Variants in GCSAML observed in about 807,000 individuals in gnomAD.
The protein encoded by GCSAML is germinal center associated signaling and motility like.
A neutral mutation model predicts 13.0 loss-of-function variants in GCSAML; 9 were observed. The ratio of observed to expected loss-of-function variants is 0.69; its 90% confidence interval spans 0.42 to 1.21. The LOEUF (loss-of-function observed/expected upper bound fraction) is 1.21, where lower values mean the gene tolerates loss of function less well. GCSAML is among the 50% of genes most tolerant of loss of function. The pLI, the probability that GCSAML is intolerant of heterozygous loss-of-function variation, is 0.00. For synonymous variants in GCSAML, 37 were observed against 52.9 expected (o/e 0.70, Z 1.31); for missense variants, 143 against 153.4 (o/e 0.93, Z 0.36).
chr1:247,528,498 G>A (rs1358910004), intron 2 of GCSAML: 1 of 152,180 alleles, frequency 6.6e-6, no homozygotes, highest in Non-Finnish European at 1.5e-5. Context: ...CATATTTCAT[G>A]TTTAGCCAAC....
intron 1 of GCSAML, among the ~76,000 whole-genome samples, chr1:247,550,916 G>C (rs1242612848): frequency 6.6e-6 from 1 of 152,046 alleles, no homozygotes; most frequent in Non-Finnish European, 1.5e-5. Context: ...AAAATGGATA[G>C]GCCCCTTCAG....
intron 2 of GCSAML, chr1:247,532,056 C>A: frequency 6.2e-7 from 1 of 1,613,962 alleles, no homozygotes; most frequent in Non-Finnish European, 8.5e-7. Context: ...TGGTCAGACC[C>A]CCCAGCCAGG....
chr1:247,521,477 C>T (rs1666423559), intron 1 of GCSAML, among the ~76,000 whole-genome samples: 1 of 152,166 alleles, frequency 6.6e-6, no homozygotes, highest in Non-Finnish European at 1.5e-5. Context: ...CTGCAACCTC[C>T]CTGCCTGATT....
chr1:247,534,490 C>G (rs530850091), intron 2 of GCSAML, among the ~76,000 whole-genome samples: 8 of 152,310 alleles, frequency 5.3e-5, no homozygotes, highest in African/African-American at 1.9e-4. Flanking sequence ...CTATCCTCTG[C>G]TTTTGTACAG....
chr1:247,539,504 G>A (rs990318490), intron 2 of GCSAML, among the ~76,000 whole-genome samples: 2 of 152,168 alleles, frequency 1.3e-5, no homozygotes, highest in Non-Finnish European at 2.9e-5. Context: ...TGAGGAAACT[G>A]GTGGCAGTTT....
At chr1:247,519,092 CAAAA>C (rs1024419563) in intron 1 of GCSAML, 9 of 152,290 alleles carry the variant, frequency 5.9e-5, no homozygotes, top group African/African-American at 1.5e-4. Context: ...AACAAACAAA[CAAAA>C]AGCGGCAGGG....
chr1:247,538,902 T>C (rs1198806172), intron 2 of GCSAML: 2 of 348,440 alleles, frequency 5.7e-6, no homozygotes, highest in East Asian at 8.3e-5. Context: ...TGCAACACTT[T>C]AGAAAACGAA....
At chr1:247,549,049 CTG>C, upstream of GCSAML, 1 of 1,588,372 alleles carries the variant, frequency 6.3e-7, no homozygotes, top group East Asian at 2.3e-5. Flanking sequence ...GCGCAGGCCC[CTG>C]GCAGCTCGTG....
chr1:247,546,512 C>G (rs981724461), upstream of GCSAML, among the ~76,000 whole-genome samples: 1 of 152,010 alleles, frequency 6.6e-6, no homozygotes, highest in African/African-American at 2.4e-5. Context: ...GTGCCCGCCA[C>G]CACGCCTGGC....
chr1:247,577,395 C>T lies in GCSAML; in HGVS notation c.*3013C>T. On this transcript the variant is annotated 3_prime_UTR_variant, in exon 5 of 5. Transcript: ENST00000366488. The stretch of plus-strand genomic sequence containing the variant: ...CTCCTTTTCCCTGAGTTTCACCAGT[C>T]CTGGCAACCAATGATCTGCTTCGTA... 6.6e-6 allele frequency: 1 copy of T among 152,194 alleles called. No homozygotes were observed. Among genetic ancestry groups the T allele is most frequent in the African/African-American group, 2.4e-5 (1 of 41,446 alleles). 9.4% of individuals were successfully genotyped at this position (152,194 alleles called of 1,614,324 possible).
At chr1:247,539,849 C>G (rs1421475539) in intron 2 of GCSAML, among the ~76,000 whole-genome samples, 1 of 152,166 alleles carries the variant, frequency 6.6e-6, no homozygotes, top group Non-Finnish European at 1.5e-5. Flanking sequence ...CACTGACTTC[C>G]TACCTGACTC....
chr1:247,532,910 A>T (rs1558243131), intron 2 of GCSAML, among the ~76,000 whole-genome samples: 1 of 152,172 alleles, frequency 6.6e-6, no homozygotes, highest in South Asian at 2.1e-4. Flanking sequence ...ATGGACATTC[A>T]TGCAAAATCC....
chr1:247,519,695 G>A (rs765395753), intron 1 of GCSAML, among the ~76,000 whole-genome samples: 5 of 152,172 alleles, frequency 3.3e-5, no homozygotes, highest in Admixed American at 6.5e-5. Flanking sequence ...TTGTGTATAT[G>A]TGTGTGTGAA....
chr1:247,508,095 C>T (rs1330385208), intron 1 of GCSAML, among the ~76,000 whole-genome samples: 2 of 152,164 alleles, frequency 1.3e-5, no homozygotes, highest in Non-Finnish European at 2.9e-5. Context: ...GCCACACTGT[C>T]TTCCACAATG....
intron 1 of GCSAML, among the ~76,000 whole-genome samples, chr1:247,551,291 G>T (rs774708077): frequency 1.3e-5 from 2 of 152,210 alleles, no homozygotes; most frequent in African/African-American, 4.8e-5. Context: ...GGAAAAGATG[G>T]TCCAAGCTGA....
At chr1:247,539,559 A>G (rs1249495098) in intron 2 of GCSAML, among the ~76,000 whole-genome samples, 1 of 152,066 alleles carries the variant, frequency 6.6e-6, no homozygotes, top group Non-Finnish European at 1.5e-5. Context: ...ACCTTTAGCT[A>G]TGAAAATCTT....
At chr1:247,517,372 G>T (rs1666248808) in intron 1 of GCSAML, among the ~76,000 whole-genome samples, 1 of 152,136 alleles carries the variant, frequency 6.6e-6, no homozygotes, top group African/African-American at 2.4e-5. Flanking sequence ...CACAGAGTGT[G>T]AGACTGTACT....
intron 2 of GCSAML, among the ~76,000 whole-genome samples, chr1:247,540,023 C>T (rs1558246410): frequency 1.3e-5 from 2 of 152,184 alleles, no homozygotes; most frequent in African/African-American, 4.8e-5. Flanking sequence ...CAGGCTCTCA[C>T]TTGCCATGCT....
At chr1:247,514,891 A>C (rs1256178601) in intron 1 of GCSAML, among the ~76,000 whole-genome samples, 1 of 152,170 alleles carries the variant, frequency 6.6e-6, no homozygotes, top group Non-Finnish European at 1.5e-5. Flanking sequence ...GAAGTTGGGT[A>C]ACAATGCCTC....
Sources: allele counts gnomAD v4.1 joint callset (sites outside exome capture counted in the v4.1 genomes callset), GRCh38; gene constraint gnomAD v4.1.1; transcripts MANE v1.5; gene names NCBI Gene and HGNC (gene_info 2026-07-23, HGNC 2026-07-21).